Variants in PCNX3 observed in about 807,000 individuals in gnomAD.
PCNX3 encodes the protein pecanex-like protein 3.
PCNX3 carries 58 observed loss-of-function variants against 207.2 expected under a neutral mutation model. The ratio of observed to expected loss-of-function variants is 0.28; its 90% CI spans 0.23 to 0.35. PCNX3 has a LOEUF of 0.35. PCNX3 is among the 10% of genes least tolerant of loss of function. The pLI is 1.00. For missense variants in PCNX3, 2,410 were observed against 2,774.4 expected (o/e 0.87, Z 2.95); for synonymous variants, 1,337 against 1,183.5 (o/e 1.13, Z -2.66).
At chr11:65,636,092 C>G in intron 32 of PCNX3, 82 bp from the exon 33 acceptor site, 1 of 1,527,736 alleles carries the variant, frequency 6.5e-7, no homozygotes, top group East Asian at 2.4e-5. Flanking sequence ...ATGACTTGTC[C>G]TGGGGCTGAG....
chr11:65,616,257 G>T lies in PCNX3; in HGVS notation c.-55G>T. The T allele has an allele frequency of 7.0e-7, 1 of 1,434,610 alleles. No individual in the cohort carries two copies. The allele number at this position is 1,434,610 out of a possible 1,614,324, so 88.9% of individuals were successfully genotyped here. A position where few individuals can be genotyped will look rare whatever the true frequency, so the allele number is the denominator to read the frequency against. ...AGGCGCCAGACGGGGCATGGGCCGG[G>T]GGCCGCCCCCATGAGGGTCCCGGGA... On this transcript the variant is annotated 5_prime_UTR_variant, in exon 1 of 35. Transcript: ENST00000355703.
Position 65,637,036 on chromosome 11 carries a change from CCT to C in PCNX3, c.*63_*64del, listed in dbSNP as rs1855880354. ...ATTCAGTAACGGACCTGCTCTGCTG[CCT>C]CTCTGCTGGACCACAGAACTGAGTG... On this transcript the variant is annotated 3_prime_UTR_variant, in exon 35 of 35. Transcript: ENST00000355703. 1.3e-6 allele frequency: 2 copies of C among 1,501,258 alleles called. No individual in the cohort carries two copies. Among genetic ancestry groups the C allele is most frequent in the Non-Finnish European group, 1.8e-6 (2 of 1,117,230 alleles). 93.0% of individuals were successfully genotyped at this position (1,501,258 alleles called of 1,614,324 possible).
Position 65,619,087 on chromosome 11 carries a change from G to T in PCNX3, c.1705+20G>T, listed in dbSNP as rs1854925390. 2 of 1,568,754 alleles carry T rather than the reference G, an allele frequency of 1.3e-6. No individual in the cohort carries two copies. The highest frequency in any genetic ancestry group is 1.7e-6 in the Non-Finnish European group (2 of 1,160,862). ...GGGGAGGTGAGTGCTTGCTCTAGAG[G>T]CAGGGGCTGGGGGACGTGAGCTACG... On this transcript the variant is annotated intron_variant, in intron 6 of 34. Coordinates refer to ENST00000355703, the MANE Select transcript of PCNX3 (RefSeq NM_032223.4).
In PCNX3 at chr11:65,619,032, G is replaced by T; in HGVS notation, c.1670G>T (p.Arg557Leu). 6.3e-7 allele frequency: 1 copy of T among 1,592,474 alleles called. No individual in the cohort carries two copies. The highest frequency in any genetic ancestry group is 8.5e-7 in the Non-Finnish European group (1 of 1,176,962). ...RGPAANQPGW[R>L]GELQEEGAVG... Reference sequence around the variant, plus strand: ...CCCGCTGCCAACCAGCCCGGCTGGCGGGGGGAGCTGCAGGAGGAAGGTGCT... The same window carrying T: ...CCCGCTGCCAACCAGCCCGGCTGGCTGGGGGAGCTGCAGGAGGAAGGTGCT... The change falls in exon 6 of 35, where the codon CGG becomes CTG. Residue 557 changes from arginine (R) to leucine (L), a missense_variant. Physicochemically the swap from Arg to Leu is moderately radical, Grantham distance 102. Transcript: ENST00000355703.
chr11:65,632,286 A>G (rs992958027), intron 27 of PCNX3, among the ~76,000 whole-genome samples: 14 of 151,216 alleles, frequency 9.3e-5, no homozygotes, highest in African/African-American at 3.4e-4. Context: ...GCTTGGAAGG[A>G]CAAGTCAGGG....
intron 11 of PCNX3, among the ~76,000 whole-genome samples, chr11:65,622,658 T>C (rs1167621138): frequency 1.3e-5 from 2 of 152,164 alleles, no homozygotes; most frequent in Admixed American, 1.3e-4. Flanking sequence ...TGCAGTGGCA[T>C]GATCTCGGCT....
In PCNX3 at chr11:65,634,218, C is replaced by T. The variant is rs759573934; in HGVS notation, c.4563C>T (p.Pro1521=). The T allele has an allele frequency of 1.7e-5, 28 of 1,613,262 alleles. No homozygotes were observed. The highest frequency in any genetic ancestry group is 2.2e-5 in the Non-Finnish European group (26 of 1,179,810). Residue 1521 remains proline, a synonymous_variant, in exon 28 of 35, where the codon CCC becomes CCT. Coordinates refer to ENST00000355703, the MANE Select transcript of PCNX3 (RefSeq NM_032223.4). ...ITAALRPVRV[P]GYADSDPTFS... is the part of the protein sequence containing the mutation. ...CAGCCCTGAGGCCTGTGCGGGTGCCCGGCTATGCCGACTCGGATCCCACCT... is the reference window on the plus strand; with the variant it reads ...CAGCCCTGAGGCCTGTGCGGGTGCCTGGCTATGCCGACTCGGATCCCACCT...
chr11:65,623,724 G>A, intron 12 of PCNX3, 80 bp downstream of exon 12: 1 of 1,562,834 alleles, frequency 6.4e-7, no homozygotes, highest in Non-Finnish European at 8.7e-7. Context: ...GTTTTAAGGA[G>A]TATAAGCTGA....
rs770925001 is a variant in PCNX3, at chr11:65,636,643, G to A, written c.5846G>A (p.Gly1949Glu). ...CGGAAGGGGCTGGGAGGATCTGACG[G>A]GGAGCCAGCCTCAGGGAGCCCCAAA... Reference protein sequence around the residue: ...GGRKGLGGSDGEPASGSPKGG... With the variant: ...GGRKGLGGSDEEPASGSPKGG... The change falls in exon 34 of 35, where the codon GGG becomes GAG. Residue 1949 changes from glycine (G) to glutamate (E), a missense_variant. By Grantham distance (98) the Gly-to-Glu change is moderately conservative. This residue lies in a region of PCNX3 where 278 missense variants were observed against 245.1 expected (regional missense o/e 1.13). Transcript: ENST00000355703. 11 of 1,585,738 alleles carry A rather than the reference G, an allele frequency of 6.9e-6. No homozygotes were observed. Among genetic ancestry groups the A allele is most frequent in the Non-Finnish European group, 8.6e-6 (10 of 1,168,622 alleles).
intron 27 of PCNX3, among the ~76,000 whole-genome samples, chr11:65,632,238 C>T (rs1191670951): frequency 2.0e-5 from 3 of 151,394 alleles, no homozygotes; most frequent in African/African-American, 7.3e-5. Context: ...CTTGGAGGAC[C>T]TGGGGTGGCT....
At position 65,635,245 on chromosome 11, in the gene PCNX3, G is replaced by C; in HGVS notation, c.4981G>C (p.Glu1661Gln). 6.3e-7 allele frequency: 1 copy of C among 1,586,504 alleles called. No homozygotes were observed. The highest frequency in any genetic ancestry group is 8.6e-7 in the Non-Finnish European group (1 of 1,166,704). Residue 1661 changes from glutamate (E) to glutamine (Q), a missense_variant, in exon 31 of 35, where the codon GAG becomes CAG. Physicochemically the swap from Glu to Gln is conservative, Grantham distance 29 (BLOSUM62 2). This residue lies in a region of PCNX3 where 420 missense variants were observed against 705.3 expected (regional missense o/e 0.60). Transcript: ENST00000355703. This position sits in a 1 kb window ranked among gnomAD's most constrained non-coding sequence, Gnocchi z 9.9. ...CCACTTCACGTCCCCAGATGAATAT[G>C]AGGAGCCAGCAGCCCTATACGATGC... ...QDHFTSPDEY[E>Q]EPAALYDAIA...
chr11:65,617,591 C>T lies in PCNX3; in HGVS notation c.482-20C>T, dbSNP rs767194791. Reference sequence around the variant, plus strand: ...CTGTGCCAGGGGGTCCTGCTGACACCTCTGGGGCCATGGTTGCAGACATCA... The same window carrying T: ...CTGTGCCAGGGGGTCCTGCTGACACTTCTGGGGCCATGGTTGCAGACATCA... On this transcript the variant is annotated intron_variant, in intron 4 of 34. Coordinates refer to ENST00000355703, the MANE Select transcript of PCNX3 (RefSeq NM_032223.4). 1.2e-5 allele frequency: 20 copies of T among 1,613,262 alleles called. No homozygotes were observed. The highest frequency in any genetic ancestry group is 1.6e-5 in the Non-Finnish European group (19 of 1,179,664).
Position 65,623,554 on chromosome 11 carries a change from C to A in PCNX3, c.2421C>A (p.Gly807=). The A allele has an allele frequency of 6.8e-6, 11 of 1,613,980 alleles. No homozygotes were observed. The highest frequency in any genetic ancestry group is 8.5e-6 in the Non-Finnish European group (10 of 1,179,862). Reference sequence around the variant, plus strand: ...TGAGCAGCCTTGTGGCCTTCCTGGGCTACCTGCTGCTGCTCAAGGGCTTCT... The same window carrying A: ...TGAGCAGCCTTGTGGCCTTCCTGGGATACCTGCTGCTGCTCAAGGGCTTCT... ...VGLSSLVAFL[G]YLLLLKGFFT... The change falls in exon 12 of 35, where the codon GGC becomes GGA. Residue 807 remains glycine (G), a synonymous_variant. Coordinates refer to ENST00000355703, the MANE Select transcript of PCNX3 (RefSeq NM_032223.4).
In PCNX3 at chr11:65,635,232, C is replaced by T; in HGVS notation, c.4968C>T (p.Ser1656=). Residue 1656 remains serine (S), a synonymous_variant, in exon 31 of 35, where the codon TCC becomes TCT. Coordinates refer to ENST00000355703, the MANE Select transcript of PCNX3 (RefSeq NM_032223.4). This position sits in a 1 kb window ranked among gnomAD's most constrained non-coding sequence, Gnocchi z 9.9. The stretch of plus-strand genomic sequence containing the variant: ...TTCTCTACCAGGACCACTTCACGTC[C>T]CCAGATGAATATGAGGAGCCAGCAG... ...ALKLHQDHFT[S]PDEYEEPAAL... 1 of 1,587,472 alleles carries T rather than the reference C, an allele frequency of 6.3e-7. No individual in the cohort carries two copies. The highest frequency in any genetic ancestry group is 8.6e-7 in the Non-Finnish European group (1 of 1,167,054).
rs377458419 is a variant in PCNX3, at chr11:65,637,377, C to CTTTTTTTTTTTTTTTTT, written c.*401_*417dup. 13 of 132,968 alleles carry CTTTTTTTTTTTTTTTTT rather than the reference C, an allele frequency of 9.8e-5. No homozygotes were observed. The highest frequency in any genetic ancestry group is 2.3e-4 in the Admixed American group (3 of 13,282). 8.2% of individuals were successfully genotyped at this position (132,968 alleles called of 1,614,324 possible). ...TTCTTTCTTTCCTTTTTTTTCTTTTCTTTTTTTTTTTTTTTTTTGTGCTTC... is the reference window on the plus strand; with the variant it reads ...TTCTTTCTTTCCTTTTTTTTCTTTTCTTTTTTTTTTTTTTTTTTTTTTTTTTTTTTTTTTTGTGCTTC... On this transcript the variant is annotated 3_prime_UTR_variant, in exon 35 of 35. Transcript: ENST00000355703.
At chr11:65,624,083 G>A in intron 13 of PCNX3, 112 bp from the exon 14 acceptor site, 1 of 1,568,660 alleles carries the variant, frequency 6.4e-7, no homozygotes, top group Non-Finnish European at 8.6e-7. Context: ...CCCCCACCTG[G>A]CCAGGCTCTC....
Position 65,625,957 on chromosome 11 carries a change from A to G in PCNX3, c.3282A>G (p.Thr1094=). ...TGGCTGGGGCCGTGGGCTTCTTCAC[A>G]CATTACCTGCTGCCACAACTCCGCA... ...YALAGAVGFF[T]HYLLPQLRKQ... is the part of the protein sequence containing the mutation. The change falls in exon 20 of 35, where the codon ACA becomes ACG. Residue 1094 remains threonine, a synonymous_variant. Transcript: ENST00000355703. This position sits in a 1 kb window ranked among gnomAD's most constrained non-coding sequence, Gnocchi z 5.6. 1 of 1,613,748 alleles carries G rather than the reference A, an allele frequency of 6.2e-7. No individual in the cohort carries two copies. The highest frequency in any genetic ancestry group is 8.5e-7 in the Non-Finnish European group (1 of 1,179,868).
intron 28 of PCNX3, 67 bp downstream of exon 28, chr11:65,634,423 C>G: frequency 1.3e-6 from 2 of 1,509,954 alleles, no homozygotes; most frequent in Admixed American, 2.0e-5. Context: ...CTCCCCTTCT[C>G]CCCATTTGGT....
chr11:65,620,972 G>T lies in PCNX3; in HGVS notation c.2235+6G>T, dbSNP rs962706926. 1.3e-6 allele frequency: 2 copies of T among 1,532,358 alleles called. No homozygotes were observed. Among genetic ancestry groups the T allele is most frequent in the South Asian group, 2.4e-5 (2 of 82,594 alleles). The allele number at this position is 1,532,358 out of a possible 1,614,324, so 94.9% of individuals were successfully genotyped here. ...TGCCCCTGGAGATCCCGGAGGTGAG[G>T]AGCAGCCGGGGAAGGGCCGTGCCAG... On this transcript the variant is annotated splice_donor_region_variant and intron_variant, in intron 10 of 34. Coordinates refer to ENST00000355703, the MANE Select transcript of PCNX3 (RefSeq NM_032223.4).
Sources: gnomAD v4.1 joint callset for allele counts (sites outside exome capture counted in the v4.1 genomes callset) on GRCh38, gnomAD v4.1.1 for gene constraint, gnomAD v4.1.1 regional missense constraint, Gnocchi (gnomAD v3.1) non-coding constraint, MANE v1.5 for transcripts, NCBI Gene and HGNC (gene_info 2026-07-23, HGNC 2026-07-21) for gene names.